Variants in GRIA2 observed in about 807,000 individuals in gnomAD.
The protein encoded by GRIA2 is glutamate ionotropic receptor AMPA type subunit 2.
A neutral mutation model predicts 97.3 loss-of-function variants in GRIA2; 14 were observed. The ratio of observed to expected loss-of-function variants is 0.14; its 90% CI spans 0.10 to 0.23. The LOEUF (loss-of-function observed/expected upper bound fraction) is 0.23. Among genes scored for constraint, GRIA2 ranks in the 10% least tolerant of loss-of-function variants. GRIA2 has a pLI of 1.00. For missense variants in GRIA2, 558 were observed against 1,069.8 expected (o/e 0.52, Z 6.67); for synonymous variants, 412 against 387.8 (o/e 1.06, Z -0.73).
chr4:157,268,947 G>C (rs1030007988), intron 2 of GRIA2, among the ~76,000 whole-genome samples: 3 of 151,986 alleles, frequency 2.0e-5, no homozygotes, highest in African/African-American at 7.2e-5. Context: ...AATTAGAAAA[G>C]TAAAAGTGTT....
At chr4:157,283,107 CTATTA>C (rs1214502857) in intron 2 of GRIA2, among the ~76,000 whole-genome samples, 1 of 151,812 alleles carries the variant, frequency 6.6e-6, no homozygotes, top group African/African-American at 2.4e-5. Context: ...CTAAACTTTC[CTATTA>C]TATTTTTTCA....
rs1579336090 is a variant in GRIA2, at chr4:157,290,303, A to G, written c.230-13249A>G. Among the ~76,000 whole-genome samples, 4 of 151,888 alleles carry G rather than the reference A, an allele frequency of 2.6e-5. No individual in the cohort carries two copies. In the South Asian group the frequency reaches 6.2e-4, roughly 24 times the overall value. ...TTTGCAAACAATTTGGCAAAATCCT[A>G]TCAAATCAGTATATGGTTACATTTG... On this transcript the variant is annotated intron_variant, in intron 2 of 15. Transcript: ENST00000264426.
At chr4:157,298,148 A>G (rs1039267409) in intron 2 of GRIA2, among the ~76,000 whole-genome samples, 1 of 152,058 alleles carries the variant, frequency 6.6e-6, no homozygotes, top group Non-Finnish European at 1.5e-5. Context: ...AAGGAAGGAG[A>G]GAGAAGAGGT....
intron 2 of GRIA2, among the ~76,000 whole-genome samples, chr4:157,235,741 T>C (rs2126704119): frequency 6.6e-6 from 1 of 152,168 alleles, no homozygotes; most frequent in South Asian, 2.1e-4. Context: ...TTGCATATGA[T>C]TTTTTTCTTT....
At chr4:157,298,725 C>T (rs187707848) in intron 2 of GRIA2, among the ~76,000 whole-genome samples, 237 of 145,408 alleles carry the variant, frequency 1.6e-3, no homozygotes, top group Admixed American at 2.5e-3. Context: ...GATAAAATTC[C>T]GTTTTTTTCC....
chr4:157,266,230 T>G, intron 2 of GRIA2, among the ~76,000 whole-genome samples: 1 of 152,084 alleles, frequency 6.6e-6, no homozygotes, highest in East Asian at 1.9e-4. Context: ...GGTCTGGGAT[T>G]CAGGAGTAAG....
chr4:157,352,489 A>T (rs1736052584), intron 12 of GRIA2, among the ~76,000 whole-genome samples: 1 of 151,878 alleles, frequency 6.6e-6, no homozygotes, highest in African/African-American at 2.4e-5. Flanking sequence ...AGGCCAAGGC[A>T]GGTGGATCAC....
intron 2 of GRIA2, among the ~76,000 whole-genome samples, chr4:157,242,131 A>G (rs1730537716): frequency 6.6e-6 from 1 of 152,010 alleles, no homozygotes; most frequent in Non-Finnish European, 1.5e-5. Context: ...TCTTTTTGAT[A>G]TTTTATCTTC....
At chr4:157,312,557 T>G in intron 3 of GRIA2, 122 bp from the exon 4 acceptor site, 1 of 532,818 alleles carries the variant, frequency 1.9e-6, no homozygotes, top group Non-Finnish European at 3.2e-6. Flanking sequence ...TTTGAAGGAG[T>G]CAACATTCCT....
At chr4:157,326,256 G>C (rs1244262778) in intron 6 of GRIA2, among the ~76,000 whole-genome samples, 2 of 152,114 alleles carry the variant, frequency 1.3e-5, no homozygotes, top group Admixed American at 1.3e-4. Flanking sequence ...GCAATAGTAG[G>C]CTATGTATTT....
At chr4:157,228,736 T>A (rs969111707) in intron 2 of GRIA2, among the ~76,000 whole-genome samples, 1 of 130,148 alleles carries the variant, frequency 7.7e-6, no homozygotes, top group Non-Finnish European at 1.5e-5. Context: ...GATGTTGCAG[T>A]GAGCCGAGAT....
At chr4:157,270,756 G>A (rs1408781079) in intron 2 of GRIA2, among the ~76,000 whole-genome samples, 2 of 152,040 alleles carry the variant, frequency 1.3e-5, no homozygotes, top group Non-Finnish European at 2.9e-5. Context: ...GGCCCAGATT[G>A]GATGTCAGGA....
intron 2 of GRIA2, among the ~76,000 whole-genome samples, chr4:157,292,358 A>T (rs946226563): frequency 1.3e-5 from 2 of 152,072 alleles, no homozygotes; most frequent in Non-Finnish European, 2.9e-5. Context: ...AAACAAAATA[A>T]GTTAGGTTTT....
At chr4:157,355,600 A>ATATTTATATATATATAATT (rs1560780524) in intron 12 of GRIA2, among the ~76,000 whole-genome samples, 27 of 102,602 alleles carry the variant, frequency 2.6e-4, no homozygotes, top group African/African-American at 1.1e-3. Flanking sequence ...ATTTATATAT[A>ATATTTATATATATATAATT]TATTTATATA....
chr4:157,253,588 A>C (rs1731109230), intron 2 of GRIA2, among the ~76,000 whole-genome samples: 1 of 152,090 alleles, frequency 6.6e-6, no homozygotes, highest in Non-Finnish European at 1.5e-5. Flanking sequence ...GGTTTCAAAA[A>C]TTTAATTGAA....
At chr4:157,264,174 G>C (rs968188551) in intron 2 of GRIA2, among the ~76,000 whole-genome samples, 1 of 152,012 alleles carries the variant, frequency 6.6e-6, no homozygotes, top group African/African-American at 2.4e-5. Flanking sequence ...TTCTATTGCT[G>C]CCATAACAAA....
chr4:157,225,636 C>G (rs200058029), intron 2 of GRIA2, among the ~76,000 whole-genome samples: 1 of 83,350 alleles, frequency 1.2e-5, no homozygotes, highest in Non-Finnish European at 2.6e-5. Flanking sequence ...TTTTTTTTTT[C>G]TAGCCTTTTC....
At chr4:157,340,528 T>G (rs1735500931) in intron 11 of GRIA2, among the ~76,000 whole-genome samples, 2 of 151,980 alleles carry the variant, frequency 1.3e-5, no homozygotes, top group East Asian at 1.9e-4. Context: ...AACTAGAAAT[T>G]TATGTCTTCA....
chr4:157,359,782 G>T, intron 12 of GRIA2, 114 bp from the exon 13 acceptor site: 1 of 855,694 alleles, frequency 1.2e-6, no homozygotes, highest in Non-Finnish European at 1.8e-6. Context: ...GATGAGATTT[G>T]TTCATATTGT....
Sources: gnomAD v4.1 joint callset for allele counts (sites outside exome capture counted in the v4.1 genomes callset) on GRCh38, gnomAD v4.1.1 for gene constraint, MANE v1.5 for transcripts, NCBI Gene and HGNC (gene_info 2026-07-23, HGNC 2026-07-21) for gene names.